The following NBAS variants were observed in gnomAD, a reference collection of about 807,000 sequenced individuals.
NBAS encodes the protein NBAS subunit of NRZ tethering complex.
NBAS carries 219 observed loss-of-function variants against 302.5 expected under a neutral mutation model. The ratio of observed to expected loss-of-function variants is 0.72; its 90% CI spans 0.65 to 0.81. The LOEUF (loss-of-function observed/expected upper bound fraction) is 0.81. Ranked by LOEUF, NBAS falls within the 30% of genes least tolerant of loss-of-function variation. The pLI, the probability that NBAS is intolerant of heterozygous loss-of-function variation, is 0.00. For synonymous variants in NBAS, 1,118 were observed against 1,021.6 expected, an observed-to-expected ratio of 1.09 and a Z score of -1.80; for missense variants, 2,932 against 2,841.6, an observed-to-expected ratio of 1.03 and a Z score of -0.72.
chr2:14,790,938 C>T, the NBAS span, among the ~76,000 whole-genome samples: 1 of 152,166 alleles, frequency 6.6e-6, no homozygotes, highest in Non-Finnish European at 1.5e-5. Context: ...TCACAGCAAC[C>T]TCCACCTCTC....
At chr2:15,149,269 A>C in the NBAS span, among the ~76,000 whole-genome samples, 1 of 152,136 alleles carries the variant, frequency 6.6e-6, no homozygotes, top group Non-Finnish European at 1.5e-5. Flanking sequence ...TCCGCTTTCC[A>C]CCATAAAATG....
rs1558540507 is a variant in NBAS, at chr2:15,330,583, A to G, written c.4347+15T>C. ...ACCATGCAGTTGATTTTAAAAAGAAAGATGCACTGCTTACCTGAAGGGGTC... is the reference window on the plus strand; with the variant it reads ...ACCATGCAGTTGATTTTAAAAAGAAGGATGCACTGCTTACCTGAAGGGGTC... On this transcript the variant is annotated intron_variant, in intron 36 of 51. Transcript: ENST00000281513. The G allele has an allele frequency of 2.5e-6, 4 of 1,613,560 alleles. No homozygotes were observed. Among genetic ancestry groups the G allele is most frequent in the Non-Finnish European group, 3.4e-6 (4 of 1,179,650 alleles).
At chr2:15,520,072 A>T (rs553402071) in intron 9 of NBAS, among the ~76,000 whole-genome samples, 1 of 152,286 alleles carries the variant, frequency 6.6e-6, no homozygotes, top group Non-Finnish European at 1.5e-5. Flanking sequence ...ACTCGGCTAT[A>T]ATTTTTTTTA....
chr2:15,517,049 C>A (rs1662427658), intron 9 of NBAS, among the ~76,000 whole-genome samples: 1 of 152,070 alleles, frequency 6.6e-6, no homozygotes, highest in African/African-American at 2.4e-5. Flanking sequence ...ATCCCACAAA[C>A]TGCTCCAAGG....
chr2:15,009,432 T>C, the NBAS span, among the ~76,000 whole-genome samples: 2 of 151,988 alleles, frequency 1.3e-5, no homozygotes, highest in African/African-American at 4.8e-5. Context: ...CAAAGATTCT[T>C]AAACTTGAAC....
chr2:15,459,297 C>T (rs1679395785), intron 21 of NBAS, among the ~76,000 whole-genome samples: 1 of 152,094 alleles, frequency 6.6e-6, no homozygotes, highest in South Asian at 2.1e-4. Flanking sequence ...TAGCCCTTTT[C>T]TCTATACTAA....
At chr2:15,442,830 G>A (rs984254110) in intron 21 of NBAS, among the ~76,000 whole-genome samples, 39 of 151,402 alleles carry the variant, frequency 2.6e-4, no homozygotes, top group African/African-American at 3.9e-4. Context: ...TATCACCACC[G>A]ATCCCACAGA....
At chr2:15,283,779 G>C (rs574523158) in intron 42 of NBAS, among the ~76,000 whole-genome samples, 2 of 152,104 alleles carry the variant, frequency 1.3e-5, no homozygotes, top group Non-Finnish European at 2.9e-5. Flanking sequence ...AGAAAACAGC[G>C]ACTCGAAAGG....
intron 9 of NBAS, among the ~76,000 whole-genome samples, chr2:15,517,436 G>C (rs1370270847): frequency 1.3e-5 from 2 of 152,102 alleles, no homozygotes; most frequent in Non-Finnish European, 2.9e-5. Flanking sequence ...CCAAAATTAT[G>C]ACAGCTGCCT....
At chr2:14,920,836 T>G in the NBAS span, among the ~76,000 whole-genome samples, 3 of 152,176 alleles carry the variant, frequency 2.0e-5, no homozygotes, top group African/African-American at 2.4e-5. Context: ...AAGGGAATGA[T>G]GTGGCTGCTT....
At chr2:14,828,403 G>A in the NBAS span, among the ~76,000 whole-genome samples, 2 of 152,124 alleles carry the variant, frequency 1.3e-5, no homozygotes, top group Non-Finnish European at 2.9e-5. Context: ...GTTCCAGGCA[G>A]AGGAAACAGG....
the NBAS span, among the ~76,000 whole-genome samples, chr2:14,796,611 G>C: frequency 6.6e-6 from 1 of 152,048 alleles, no homozygotes; most frequent in African/African-American, 2.4e-5. Context: ...ACAGGAGGCA[G>C]ACAAATGTCT....
intron 38 of NBAS, among the ~76,000 whole-genome samples, chr2:15,326,400 G>T (rs982290677): frequency 6.6e-6 from 1 of 152,136 alleles, no homozygotes; most frequent in African/African-American, 2.4e-5. Context: ...GAATGTTTTG[G>T]TTATTACTTC....
At chr2:15,335,359 G>A (rs1190921974) in intron 35 of NBAS, among the ~76,000 whole-genome samples, 1 of 152,094 alleles carries the variant, frequency 6.6e-6, no homozygotes, top group African/African-American at 2.4e-5. Context: ...TATATACTTA[G>A]CAGTGGAATT....
intron 44 of NBAS, among the ~76,000 whole-genome samples, chr2:15,266,120 TG>T (rs1449853354): frequency 2.6e-5 from 4 of 152,212 alleles, no homozygotes; most frequent in Admixed American, 2.6e-4. Flanking sequence ...GCTTCCCCCT[TG>T]GCTGGGCACT....
At chr2:15,248,265 G>T (rs1246653408) in intron 44 of NBAS, among the ~76,000 whole-genome samples, 1 of 152,148 alleles carries the variant, frequency 6.6e-6, no homozygotes, top group Non-Finnish European at 1.5e-5. Flanking sequence ...TGAGAACAAA[G>T]ACACAATGTA....
At chr2:15,253,998 G>A (rs1484682173) in intron 44 of NBAS, among the ~76,000 whole-genome samples, 1 of 152,182 alleles carries the variant, frequency 6.6e-6, no homozygotes, top group African/African-American at 2.4e-5. Flanking sequence ...CAGGCTAAGA[G>A]GAGAGAGGAA....
intron 16 of NBAS, among the ~76,000 whole-genome samples, chr2:15,469,383 G>A (rs1267972760): frequency 6.6e-6 from 1 of 152,158 alleles, no homozygotes; most frequent in Non-Finnish European, 1.5e-5. Context: ...ATGTGTCCCA[G>A]AGATTCTGGT....
chr2:15,070,319 T>C, the NBAS span, among the ~76,000 whole-genome samples: 1 of 152,122 alleles, frequency 6.6e-6, no homozygotes, highest in Non-Finnish European at 1.5e-5. Flanking sequence ...ATACACAGGG[T>C]CCACCCTGGT....
Sources: gnomAD v4.1 joint callset for allele counts (sites outside exome capture counted in the v4.1 genomes callset) on GRCh38, gnomAD v4.1.1 for gene constraint, MANE v1.5 for transcripts, NCBI Gene and HGNC (gene_info 2026-07-23, HGNC 2026-07-21) for gene names.